ENOX1: variants seen among roughly 807,000 people sequenced by gnomAD.
ENOX1 encodes the protein ecto-NOX disulfide-thiol exchanger 1, also known as candidate growth-related and time keeping constitutive hydroquinone (NADH) oxidase.
A neutral mutation model predicts 82.5 loss-of-function variants in ENOX1; 42 were observed. That is an observed-to-expected ratio of 0.51 (90% CI 0.40 to 0.66). The LOEUF (loss-of-function observed/expected upper bound fraction) is 0.66, where lower values mean the gene tolerates loss of function less well. ENOX1 is among the 30% of genes least tolerant of loss of function. ENOX1 has a pLI of 0.00. For missense variants in ENOX1, 608 were observed against 811.6 expected, an observed-to-expected ratio of 0.75 and a Z score of 3.05; for synonymous variants, 271 against 282.2, an observed-to-expected ratio of 0.96 and a Z score of 0.40.
chr13:43,304,792 A>C (rs187735947), intron 11 of ENOX1, among the ~76,000 whole-genome samples: 1 of 152,304 alleles, frequency 6.6e-6, no homozygotes, highest in East Asian at 1.9e-4. Flanking sequence ...CCCAGAGCTC[A>C]AGAGCCTGAG....
chr13:43,310,992 C>T (rs551290269), intron 11 of ENOX1, among the ~76,000 whole-genome samples: 126 of 151,882 alleles, frequency 8.3e-4, no homozygotes, highest in African/African-American at 2.9e-3. Flanking sequence ...CTTCTTCCTA[C>T]CAAAAAGAGT....
intron 1 of ENOX1, among the ~76,000 whole-genome samples, chr13:43,726,380 C>A (rs1334760561): frequency 6.6e-6 from 1 of 151,956 alleles, no homozygotes; most frequent in Non-Finnish European, 1.5e-5. Context: ...CTACACCTAG[C>A]TAATTTTTGT....
chr13:43,331,318 C>A (rs182927099), intron 9 of ENOX1, among the ~76,000 whole-genome samples: 3 of 152,136 alleles, frequency 2.0e-5, no homozygotes, highest in Non-Finnish European at 4.4e-5. Context: ...AGCTAAATAG[C>A]GGTGAAAGAG....
chr13:43,678,913 A>G (rs2153795845), intron 1 of ENOX1, among the ~76,000 whole-genome samples: 1 of 152,306 alleles, frequency 6.6e-6, no homozygotes, highest in South Asian at 2.1e-4. Flanking sequence ...TTTATTTACA[A>G]TGACTCAATT....
chr13:43,745,680 G>A (rs1949984288), intron 1 of ENOX1, among the ~76,000 whole-genome samples: 1 of 152,192 alleles, frequency 6.6e-6, no homozygotes, highest in Non-Finnish European at 1.5e-5. Context: ...GTTTGGCTGT[G>A]TCCCTACCCC....
intron 2 of ENOX1, among the ~76,000 whole-genome samples, chr13:43,591,019 C>T (rs1022053875): frequency 4.6e-5 from 7 of 152,126 alleles, no homozygotes; most frequent in African/African-American, 1.7e-4. Flanking sequence ...GACAAGAGCA[C>T]AGAGTATTGA....
intron 2 of ENOX1, among the ~76,000 whole-genome samples, chr13:43,510,885 G>A (rs946498033): frequency 1.3e-5 from 2 of 152,110 alleles, no homozygotes; most frequent in Non-Finnish European, 2.9e-5. Flanking sequence ...TACAAAGTAA[G>A]CATTAAGTAC....
At chr13:43,298,302 T>C (rs748795278) in intron 12 of ENOX1, 44 bp downstream of exon 12, 30 of 1,511,874 alleles carry the variant, frequency 2.0e-5, no homozygotes, top group Non-Finnish European at 2.5e-5. Flanking sequence ...TTAATACACA[T>C]ATCTCTTTCT....
At chr13:43,222,369 G>A (rs2041833940) in intron 16 of ENOX1, among the ~76,000 whole-genome samples, 2 of 147,850 alleles carry the variant, frequency 1.4e-5, no homozygotes, top group South Asian at 4.2e-4. Context: ...CCCATTCCCA[G>A]GAGATGATTT....
At chr13:43,359,090 C>G (rs758726705) in intron 7 of ENOX1, among the ~76,000 whole-genome samples, 18 of 152,024 alleles carry the variant, frequency 1.2e-4, no homozygotes, top group Non-Finnish European at 1.8e-4. Flanking sequence ...CCCCCACCCG[C>G]TACTGTTTTC....
chr13:43,724,859 A>C (rs2088828947), intron 1 of ENOX1, among the ~76,000 whole-genome samples: 1 of 152,224 alleles, frequency 6.6e-6, no homozygotes, highest in Admixed American at 6.5e-5. Flanking sequence ...TGCAAGAAAT[A>C]CATTTTATAC....
intron 1 of ENOX1, among the ~76,000 whole-genome samples, chr13:43,755,376 T>A (rs1950594358): frequency 6.6e-6 from 1 of 152,142 alleles, no homozygotes; most frequent in Admixed American, 6.5e-5. Flanking sequence ...ACCTGCTTCT[T>A]GTCTCTCCAG....
At chr13:43,669,093 AG>A (rs2085130275) in intron 1 of ENOX1, among the ~76,000 whole-genome samples, 1 of 152,216 alleles carries the variant, frequency 6.6e-6, no homozygotes, top group South Asian at 2.1e-4. Context: ...GCAAACTGCA[AG>A]GGGGCAGGAA....
chr13:43,412,646 G>A (rs2054202785), intron 4 of ENOX1, among the ~76,000 whole-genome samples, 199 bp downstream of exon 4: 1 of 152,168 alleles, frequency 6.6e-6, no homozygotes, highest in East Asian at 1.9e-4. Context: ...GTAGCACAAA[G>A]CTTAAGAAAA....
At chr13:43,216,239 C>T (rs2099986) in intron 16 of ENOX1, among the ~76,000 whole-genome samples, 56,656 of 151,968 alleles carry the variant, frequency 0.37, 11,197 homozygotes, top group East Asian at 0.67. Context: ...TTGGATTTTA[C>T]TCTGGCTAGG....
intron 14 of ENOX1, among the ~76,000 whole-genome samples, chr13:43,247,866 TA>T (rs59342553): frequency 4.7e-3 from 11 of 2,336 alleles, no homozygotes; most frequent in Admixed American, 6.9e-3. Context: ...TATATATATA[TA>T]TATATATATA....
intron 2 of ENOX1, among the ~76,000 whole-genome samples, chr13:43,493,328 A>T (rs1593474385): frequency 6.6e-6 from 1 of 152,172 alleles, no homozygotes; most frequent in Non-Finnish European, 1.5e-5. Context: ...TGGAAGTTGG[A>T]GAACAAGAGA....
intron 3 of ENOX1, among the ~76,000 whole-genome samples, chr13:43,483,744 A>G (rs1006378087): frequency 6.6e-6 from 1 of 152,218 alleles, no homozygotes; most frequent in African/African-American, 2.4e-5. Context: ...GAATTTATAA[A>G]CACAAAAATA....
At chr13:43,504,006 CA>C (rs1402257668) in intron 2 of ENOX1, among the ~76,000 whole-genome samples, 1 of 151,378 alleles carries the variant, frequency 6.6e-6, no homozygotes, top group East Asian at 1.9e-4. Context: ...AACTCAATAG[CA>C]AAAAAATCCA....
Sources: gnomAD v4.1 joint callset for allele counts (sites outside exome capture counted in the v4.1 genomes callset) on GRCh38, gnomAD v4.1.1 for gene constraint, MANE v1.5 for transcripts, NCBI Gene and HGNC (gene_info 2026-07-23, HGNC 2026-07-21) for gene names.